ATP8B3: variants seen among roughly 807,000 people sequenced by gnomAD.
ATP8B3 encodes the protein phospholipid-transporting ATPase IK.
In ATP8B3, 141 loss-of-function variants were observed where a neutral mutation model predicts 140.9. The ratio of observed to expected loss-of-function variants is 1.00; its 90% CI spans 0.87 to 1.15. The LOEUF (loss-of-function observed/expected upper bound fraction) is 1.15. Ranked by LOEUF, ATP8B3 falls within the 50% of genes most tolerant of loss-of-function variation. ATP8B3 has a pLI of 0.00. For missense variants in ATP8B3, 1,874 were observed against 1,740.6 expected, an observed-to-expected ratio of 1.08 and a Z score of -1.36; for synonymous variants, 765 against 714.6, an observed-to-expected ratio of 1.07 and a Z score of -1.13.
Position 1,810,696 on chromosome 19 carries a change from A to C in ATP8B3, c.249-13T>G. The C allele has an allele frequency of 1.2e-6, 2 of 1,610,490 alleles. No individual in the cohort carries two copies. The highest frequency in any genetic ancestry group is 3.3e-5 in the Admixed American group (2 of 59,746). ...CATGCTGGTGGGGCTGTGGGAGAGA[A>C]GGGCCCCGGGTCACAGCAGTGACCC... On this transcript the variant is annotated splice_polypyrimidine_tract_variant and intron_variant, in intron 2 of 28. Transcript: ENST00000310127.
intron 16 of ATP8B3, 69 bp from the exon 17 acceptor site, chr19:1,796,334 G>T: frequency 8.6e-6 from 12 of 1,387,530 alleles, no homozygotes; most frequent in Non-Finnish European, 1.2e-5. Context: ...GTGCAGGGAG[G>T]AGATGGGTAT....
chr19:1,787,031 CCCAAGGAG>C, intron 25 of ATP8B3, 64 bp downstream of exon 25: 1 of 1,413,182 alleles, frequency 7.1e-7, no homozygotes, highest in Non-Finnish European at 9.7e-7. Flanking sequence ...CTCTCCCCGC[CCCAAGGAG>C]CGGAGGAGAG....
rs796644954 is a variant in ATP8B3, at chr19:1,798,464, C to T, written c.1553-1459G>A. On this transcript the variant is annotated intron_variant, in intron 14 of 28. Coordinates refer to ENST00000310127, the MANE Select transcript of ATP8B3 (RefSeq NM_138813.4). ...ATACTAATACTGTTTTGTGGCCGGG[C>T]GCGGTGGCTCACGCCTGTAATCCCA... 2.0e-3 allele frequency among the ~76,000 whole-genome samples: 298 copies of T among 152,080 alleles called. 8 individuals carry two copies. The highest frequency in any genetic ancestry group is 6.5e-3 in the African/African-American group (271 of 41,416).
At chr19:1,797,206 G>C (rs1408054309) in intron 14 of ATP8B3, among the ~76,000 whole-genome samples, 1 of 152,210 alleles carries the variant, frequency 6.6e-6, no homozygotes, top group Non-Finnish European at 1.5e-5. Flanking sequence ...AAGCGGGGAA[G>C]AGGGGAGCAC....
chr19:1,796,230 C>T lies in ATP8B3; in HGVS notation c.1789G>A (p.Gly597Arg). Residue 597 changes from glycine to arginine, a missense_variant, in exon 17 of 29, where the codon GGG (glycine) becomes AGG (arginine). Coordinates refer to ENST00000310127, the MANE Select transcript of ATP8B3 (RefSeq NM_138813.4). The part of the protein sequence containing the change: ...LLYQAASPDE[G>R]ALVTAARNFG... ...TTCCGGGCTGCGGTGACCAGCGCCC[C>T]CTCGTCGGGGGAGGCCGCCTGGTAC... 1 of 1,612,456 alleles carries T rather than the reference C, an allele frequency of 6.2e-7. No individual in the cohort carries two copies.
chr19:1,805,344 G>T lies in ATP8B3; in HGVS notation c.904+30C>A. ...AACTTTTAACTTTTACAGATTCGAG[G>T]GACGTGACTCCCTGCTCAACGCCTC... On this transcript the variant is annotated intron_variant, in intron 10 of 28. Coordinates refer to ENST00000310127, the MANE Select transcript of ATP8B3 (RefSeq NM_138813.4). The surrounding 1 kb of genome is among the most constrained non-coding windows in gnomAD (Gnocchi z 5.2). The T allele has an allele frequency of 1.3e-6, 2 of 1,524,736 alleles. No homozygotes were observed. Among genetic ancestry groups the T allele is most frequent in the Non-Finnish European group, 1.8e-6 (2 of 1,120,616 alleles). 94.5% of individuals were successfully genotyped at this position (1,524,736 alleles called of 1,614,324 possible). A position where few individuals can be genotyped will look rare whatever the true frequency, so the allele number is the denominator to read the frequency against.
At chr19:1,799,743 A>G (rs1480665406) in intron 14 of ATP8B3, 2 of 605,254 alleles carry the variant, frequency 3.3e-6, no homozygotes, top group Non-Finnish European at 5.9e-6. Flanking sequence ...CTGCCTGGGT[A>G]GACAGAGTGA....
At position 1,807,224 on chromosome 19, in the gene ATP8B3, T is replaced by C; in HGVS notation, c.559A>G (p.Thr187Ala). The C allele has an allele frequency of 6.2e-7, 1 of 1,611,684 alleles. No individual in the cohort carries two copies. The highest frequency in any genetic ancestry group is 8.5e-7 in the Non-Finnish European group (1 of 1,179,408). ...ATGAAGAGGAGGCAGACCATAGGGG[T>C]ACTGAGCGAGAACCAGGGCAGCGTG... The part of the protein sequence containing the change: ...ISTLPWFSLS[T>A]PMVCLLFIRA... Residue 187 changes from threonine (T) to alanine (A), a missense_variant, in exon 6 of 29, where the codon ACC becomes GCC. Physicochemically the swap from Thr to Ala is moderately conservative, Grantham distance 58. This residue lies in a region of ATP8B3 where 1,032 missense variants were observed against 963.6 expected (regional missense o/e 1.07). Coordinates refer to ENST00000310127, the MANE Select transcript of ATP8B3 (RefSeq NM_138813.4). This position sits in a 1 kb window ranked among gnomAD's most constrained non-coding sequence, Gnocchi z 5.9.
intron 3 of ATP8B3, 30 bp downstream of exon 3, chr19:1,810,592 T>A: frequency 6.2e-7 from 1 of 1,606,808 alleles, no homozygotes; most frequent in Non-Finnish European, 8.5e-7. Flanking sequence ...CCCTCCCACC[T>A]GCACCGCCCC....
chr19:1,802,814 C>G (rs2068897217), intron 10 of ATP8B3, among the ~76,000 whole-genome samples, 169 bp from the exon 11 acceptor site: 1 of 152,166 alleles, frequency 6.6e-6, no homozygotes, highest in Non-Finnish European at 1.5e-5. Flanking sequence ...CTTCCTGTCC[C>G]CACCTGGCCT....
intron 18 of ATP8B3, among the ~76,000 whole-genome samples, chr19:1,792,544 C>G (rs1275786969): frequency 6.8e-6 from 1 of 147,670 alleles, no homozygotes; most frequent in Admixed American, 6.8e-5. Context: ...CACACCACTG[C>G]ACTCCAGCCT....
intron 18 of ATP8B3, among the ~76,000 whole-genome samples, chr19:1,792,901 C>A (rs1346889051): frequency 3.7e-5 from 5 of 133,346 alleles, no homozygotes; most frequent in Admixed American, 8.0e-5. Flanking sequence ...AGTATCAGAG[C>A]AAGATTCTGT....
At position 1,801,955 on chromosome 19, in the gene ATP8B3, C is replaced by A; in HGVS notation, c.1152+1G>T. 1 of 1,611,622 alleles carries A rather than the reference C, an allele frequency of 6.2e-7. No individual in the cohort carries two copies. Among genetic ancestry groups the A allele is most frequent in the South Asian group, 1.1e-5 (1 of 91,002 alleles). ...GGCAGGGGCACTTGTTGGCAGCTCACCACAACCACCAGCTTGTTCATCAGG... is the reference window on the plus strand; with the variant it reads ...GGCAGGGGCACTTGTTGGCAGCTCAACACAACCACCAGCTTGTTCATCAGG... On this transcript the variant is annotated splice_donor_variant, in intron 12 of 28. Coordinates refer to ENST00000310127, the MANE Select transcript of ATP8B3 (RefSeq NM_138813.4). LOFTEE classifies it high-confidence loss of function.
chr19:1,808,391 G>A, intron 4 of ATP8B3, 56 bp from the exon 5 acceptor site: 1 of 1,396,138 alleles, frequency 7.2e-7, no homozygotes, highest in Non-Finnish European at 1.0e-6. Context: ...GCCAGGGGAT[G>A]GGGGTGCCCG....
intron 16 of ATP8B3, 56 bp from the exon 17 acceptor site, chr19:1,796,321 A>T: frequency 6.9e-7 from 1 of 1,451,998 alleles, no homozygotes; most frequent in Non-Finnish European, 9.4e-7. Context: ...CTCCATCTCC[A>T]CAGTGCAGGG....
rs777978977 is a variant in ATP8B3, at chr19:1,795,856, C to G, written c.2055+19G>C. The G allele has an allele frequency of 2.6e-6, 4 of 1,517,418 alleles. No homozygotes were observed. The East Asian group carries it at 9.1e-5, about 35-fold the overall frequency. 94.0% of individuals were successfully genotyped at this position (1,517,418 alleles called of 1,614,324 possible). A position where few individuals can be genotyped will look rare whatever the true frequency, so the allele number is the denominator to read the frequency against. ...ACACACACACACACACATAAGCCAGCCTTCCTGAAGGGACTCACAGCCAAG... is the reference window on the plus strand; with the variant it reads ...ACACACACACACACACATAAGCCAGGCTTCCTGAAGGGACTCACAGCCAAG... On this transcript the variant is annotated intron_variant, in intron 18 of 28. Transcript: ENST00000310127.
At position 1,794,981 on chromosome 19, in the gene ATP8B3, GC is replaced by G. The variant is rs923124410; in HGVS notation, c.2055+893del. 2.1e-4 allele frequency among the ~76,000 whole-genome samples: 32 copies of G among 152,360 alleles called. No homozygotes were observed. Among genetic ancestry groups the G allele is most frequent in the African/African-American group, 7.5e-4 (31 of 41,592 alleles). On this transcript the variant is annotated intron_variant, in intron 18 of 28. Transcript: ENST00000310127. This position sits in a 1 kb window ranked among gnomAD's most constrained non-coding sequence, Gnocchi z 4.8. ...ATGAGAAAAATACACCCTTGGCCGGGCGCGGTGGCCTACGCCTGTAATCCCA... is the reference window on the plus strand; with the variant it reads ...ATGAGAAAAATACACCCTTGGCCGGGGCGGTGGCCTACGCCTGTAATCCCA...
At chr19:1,786,126 C>G (rs750064154) in intron 25 of ATP8B3, among the ~76,000 whole-genome samples, 1 of 150,962 alleles carries the variant, frequency 6.6e-6, no homozygotes, top group African/African-American at 2.4e-5. Context: ...AATGGGACCT[C>G]GTCTACAGAA....
chr19:1,789,741 A>G lies in ATP8B3; in HGVS notation c.2479-14T>C, dbSNP rs920376567. 2 of 1,547,320 alleles carry G rather than the reference A, an allele frequency of 1.3e-6. No individual in the cohort carries two copies. The highest frequency in any genetic ancestry group is 1.7e-6 in the Non-Finnish European group (2 of 1,152,218). On this transcript the variant is annotated splice_polypyrimidine_tract_variant and intron_variant, in intron 22 of 28. Coordinates refer to ENST00000310127, the MANE Select transcript of ATP8B3 (RefSeq NM_138813.4). ...CAGCAGTTTGTCCTGGCCGGCGGGG[A>G]GGGGGCTGTGCCAGGCGCCGTGGCC...
Sources: gnomAD v4.1 joint callset for allele counts (sites outside exome capture counted in the v4.1 genomes callset) on GRCh38, gnomAD v4.1.1 for gene constraint, gnomAD v4.1.1 regional missense constraint, Gnocchi (gnomAD v3.1) non-coding constraint, MANE v1.5 for transcripts, NCBI Gene and HGNC (gene_info 2026-07-23, HGNC 2026-07-21) for gene names.